SOX6: variants seen among roughly 807,000 people sequenced by gnomAD.
SOX6 encodes transcription factor SOX-6.
A neutral mutation model predicts 97.8 loss-of-function variants in SOX6; 11 were observed. The ratio of observed to expected loss-of-function variants is 0.11; its 90% CI spans 0.07 to 0.19. The LOEUF (loss-of-function observed/expected upper bound fraction) is 0.19, where lower values mean the gene tolerates loss of function less well. Among genes scored for constraint, SOX6 ranks in the 10% least tolerant of loss-of-function variants. SOX6 has a pLI of 1.00. For synonymous variants in SOX6, 360 were observed against 371.4 expected (o/e 0.97, Z 0.35); for missense variants, 810 against 1,039.5 (o/e 0.78, Z 3.04).
chr11:16,017,063 G>A (rs913255812), intron 12 of SOX6, among the ~76,000 whole-genome samples: 1 of 152,012 alleles, frequency 6.6e-6, no homozygotes, highest in Non-Finnish European at 1.5e-5. Flanking sequence ...CAAGGAAGGA[G>A]AAGAGGGAAA....
chr11:16,253,188 AT>A (rs1477471449), intron 3 of SOX6, among the ~76,000 whole-genome samples: 4 of 152,076 alleles, frequency 2.6e-5, no homozygotes, highest in African/African-American at 9.7e-5. Flanking sequence ...TCTCTACTAA[AT>A]ATACAAAAAA....
At chr11:16,350,350 G>A (rs184742206) in intron 1 of SOX6, among the ~76,000 whole-genome samples, 12 of 152,288 alleles carry the variant, frequency 7.9e-5, no homozygotes, top group East Asian at 3.9e-4. Flanking sequence ...CTAGCTGCAC[G>A]TTTTATTTTG....
intron 3 of SOX6, among the ~76,000 whole-genome samples, chr11:16,629,568 G>A (rs1258816572): frequency 1.3e-5 from 2 of 152,004 alleles, no homozygotes; most frequent in Non-Finnish European, 2.9e-5. Flanking sequence ...TTTTCATTGT[G>A]ACTTTGCCAG....
Position 16,369,100 on chromosome 11 carries a change from T to A in SOX6, c.-4-27848A>T, listed in dbSNP as rs117278523. 1.4e-3 allele frequency among the ~76,000 whole-genome samples: 209 copies of A among 152,060 alleles called. 2 individuals are homozygous for A. The highest frequency in any genetic ancestry group is 2.3e-3 in the Admixed American group (35 of 15,248). ...GAAACCAACCAAACAAAAAAGAATG[T>A]ATACGAATGACAATAAATATATGAA... On this transcript the variant is annotated intron_variant, in intron 1 of 15. Coordinates refer to the SOX6 transcript ENST00000396356.
chr11:16,188,288 C>T (rs1362607366), intron 4 of SOX6, among the ~76,000 whole-genome samples: 1 of 149,528 alleles, frequency 6.7e-6, no homozygotes, highest in Admixed American at 6.7e-5. Context: ...ATTTACTGAG[C>T]TCAATGATGG....
intron 4 of SOX6, among the ~76,000 whole-genome samples, chr11:16,493,074 T>C (rs1335133323): frequency 6.6e-6 from 1 of 152,150 alleles, no homozygotes; most frequent in Non-Finnish European, 1.5e-5. Context: ...TAGATAAAAA[T>C]ACCACATCCT....
intron 13 of SOX6, among the ~76,000 whole-genome samples, chr11:16,002,834 A>T (rs139782807): frequency 1.6e-3 from 238 of 152,342 alleles, no homozygotes; most frequent in South Asian, 4.1e-3. Flanking sequence ...ACATGAAATT[A>T]AGAAGTGCAA....
chr11:16,671,537 G>A (rs1847847485), intron 3 of SOX6, among the ~76,000 whole-genome samples: 1 of 152,008 alleles, frequency 6.6e-6, no homozygotes, highest in Non-Finnish European at 1.5e-5. Context: ...ACCAAACTGA[G>A]GAAAGAATCT....
chr11:16,253,883 G>A (rs1274306304), intron 3 of SOX6, among the ~76,000 whole-genome samples: 2 of 151,944 alleles, frequency 1.3e-5, no homozygotes, highest in Non-Finnish European at 2.9e-5. Context: ...AGAACACTAA[G>A]TATGATAAAT....
Position 16,330,851 on chromosome 11 carries a change from T to C in SOX6, c.237+10161A>G, listed in dbSNP as rs142772597. 5.3e-5 allele frequency among the ~76,000 whole-genome samples: 8 copies of C among 152,176 alleles called. No individual in the cohort carries two copies. The East Asian group carries it at 1.6e-3, about 30-fold the overall frequency. On this transcript the variant is annotated intron_variant, in intron 2 of 15. Coordinates refer to ENST00000683767, the MANE Select transcript of SOX6 (RefSeq NM_001367873.1). ...ACTTCCCTAAGGTCACACAGCAAAT[T>C]AGGGCAGAGATGAACACAGGCTTTC...
At chr11:16,193,317 A>C (rs570498247) in intron 4 of SOX6, among the ~76,000 whole-genome samples, 1 of 152,148 alleles carries the variant, frequency 6.6e-6, no homozygotes, top group East Asian at 1.9e-4. Flanking sequence ...TGCTGCAGTG[A>C]GCTATGATTG....
intron 9 of SOX6, among the ~76,000 whole-genome samples, chr11:16,094,582 A>G (rs1848755551): frequency 6.6e-6 from 1 of 151,966 alleles, no homozygotes; most frequent in Non-Finnish European, 1.5e-5. Context: ...AAAGCTCTCA[A>G]GCTGACTGTC....
At chr11:16,554,584 T>C (rs1419207776) in intron 4 of SOX6, among the ~76,000 whole-genome samples, 3 of 152,102 alleles carry the variant, frequency 2.0e-5, no homozygotes, top group Non-Finnish European at 2.9e-5. Context: ...TCCAAGTCTC[T>C]GTAATGATCT....
chr11:16,096,027 C>T lies in SOX6; in HGVS notation c.1070G>A (p.Gly357Asp), dbSNP rs747704880. The change falls in exon 9 of 16, where the codon GGT (glycine) becomes GAT (aspartate). Residue 357 changes from glycine to aspartate, a missense_variant. This residue lies in a region of SOX6 where 244 missense variants were observed against 261.0 expected (regional missense o/e 0.93). Coordinates refer to ENST00000683767, the MANE Select transcript of SOX6 (RefSeq NM_001367873.1). ...CTGTTTGTGGTTGTAAGAGTGGCCA[C>T]CACCATGTTCAAAGGTGTCCAAATT... The part of the protein sequence containing the change: ...GRNLDTFEHG[G>D]GHSYNHKQIE... The T allele has an allele frequency of 2.5e-6, 4 of 1,611,290 alleles. No individual in the cohort carries two copies. The highest frequency in any genetic ancestry group is 1.3e-5 in the African/African-American group (1 of 74,586).
intron 4 of SOX6, among the ~76,000 whole-genome samples, chr11:16,540,088 C>T (rs1335717154): frequency 2.6e-5 from 4 of 152,030 alleles, no homozygotes; most frequent in Non-Finnish European, 2.9e-5. Context: ...ACTGGAAAAC[C>T]GAATCCAGCA....
chr11:16,594,684 C>CTTTTTTTTTTTTTTTGTTTTTTTTTTT (rs1848191328), intron 4 of SOX6, among the ~76,000 whole-genome samples: 1 of 68,266 alleles, frequency 1.5e-5, no homozygotes. Flanking sequence ...TCGGTTTTTG[C>CTTTTTTTTTTTTTTTGTTTTTTTTTTT]TTTTTTTTTT....
chr11:16,332,756 G>A (rs1373696080), intron 2 of SOX6, among the ~76,000 whole-genome samples: 1 of 152,014 alleles, frequency 6.6e-6, no homozygotes, highest in African/African-American at 2.4e-5. Flanking sequence ...CAATGCCTAG[G>A]GGTCAAGAGA....
At chr11:16,647,239 T>C (rs758149034) in intron 3 of SOX6, among the ~76,000 whole-genome samples, 11 of 152,160 alleles carry the variant, frequency 7.2e-5, no homozygotes, top group Non-Finnish European at 1.3e-4. Flanking sequence ...TTTAGTTTTA[T>C]CCTCCTTTCC....
At chr11:16,141,986 G>A (rs1850155874) in intron 6 of SOX6, among the ~76,000 whole-genome samples, 1 of 152,116 alleles carries the variant, frequency 6.6e-6, no homozygotes, top group Non-Finnish European at 1.5e-5. Context: ...GTCCCTGTCC[G>A]ACAGCTTTGA....
Sources: allele counts gnomAD v4.1 joint callset (sites outside exome capture counted in the v4.1 genomes callset), GRCh38; gene constraint gnomAD v4.1.1; regional missense constraint gnomAD v4.1.1; transcripts MANE v1.5; gene names NCBI Gene and HGNC (gene_info 2026-07-23, HGNC 2026-07-21).